DLG2: variants seen among roughly 807,000 people sequenced by gnomAD.
DLG2 encodes disks large homolog 2.
DLG2 carries 45 observed loss-of-function variants against 132.5 expected under a neutral mutation model. That is an observed-to-expected ratio of 0.34 (90% CI 0.27 to 0.44). DLG2 has a LOEUF of 0.44. Ranked by LOEUF, DLG2 falls within the 20% of genes least tolerant of loss-of-function variation. The probability of loss-of-function intolerance (pLI) is 1.00; values close to 1 mark genes in which losing one functional copy is unlikely to be tolerated. For missense variants in DLG2, 1,045 were observed against 1,196.9 expected (o/e 0.87, Z 1.87); for synonymous variants, 424 against 419.6 (o/e 1.01, Z -0.13).
At chr11:85,318,247 C>T (rs2152819049) in intron 3 of DLG2, among the ~76,000 whole-genome samples, 1 of 151,978 alleles carries the variant, frequency 6.6e-6, no homozygotes, top group Middle Eastern at 3.4e-3. Context: ...ATTAATTCTT[C>T]CCACACTAAA....
intron 17 of DLG2, among the ~76,000 whole-genome samples, chr11:83,798,647 A>G (rs1287115979): frequency 6.6e-6 from 1 of 152,184 alleles, no homozygotes; most frequent in Non-Finnish European, 1.5e-5. Flanking sequence ...GGACTGTTTC[A>G]AGCCAATAAT....
At chr11:84,153,094 T>C (rs920755463) in intron 9 of DLG2, among the ~76,000 whole-genome samples, 1 of 152,238 alleles carries the variant, frequency 6.6e-6, no homozygotes, top group African/African-American at 2.4e-5. Flanking sequence ...CCTTTGTGTA[T>C]GAAACTTAGT....
chr11:84,594,441 A>C (rs1418568044), intron 6 of DLG2, among the ~76,000 whole-genome samples: 2 of 152,240 alleles, frequency 1.3e-5, no homozygotes, highest in Non-Finnish European at 2.9e-5. Context: ...GCCTCACCCA[A>C]AAAATGAAAC....
chr11:84,784,336 A>AT (rs2072438825), intron 6 of DLG2, among the ~76,000 whole-genome samples: 1 of 146,600 alleles, frequency 6.8e-6, no homozygotes, highest in African/African-American at 2.5e-5. Flanking sequence ...AAATAAATAA[A>AT]TAAATAAATA....
intron 15 of DLG2, among the ~76,000 whole-genome samples, chr11:83,882,606 T>G (rs1344129960): frequency 6.6e-6 from 1 of 152,210 alleles, no homozygotes; most frequent in East Asian, 1.9e-4. Context: ...ACCATTTTTT[T>G]CTTTTAAATA....
At chr11:85,283,857 T>G (rs1159070554) in intron 4 of DLG2, among the ~76,000 whole-genome samples, 2 of 151,550 alleles carry the variant, frequency 1.3e-5, no homozygotes, top group Non-Finnish European at 3.0e-5. Context: ...ACAGTTTCAT[T>G]TATAAAATCA....
intron 18 of DLG2, chr11:83,721,038 C>A (rs2088405516): frequency 6.6e-6 from 1 of 152,004 alleles, no homozygotes; most frequent in South Asian, 2.1e-4. Context: ...AGAATCTGGG[C>A]CTTTAGCATG....
chr11:84,845,533 T>A (rs1452754875), intron 6 of DLG2, among the ~76,000 whole-genome samples: 10 of 152,084 alleles, frequency 6.6e-5, no homozygotes, highest in Non-Finnish European at 4.4e-5. Flanking sequence ...CCAGTGAACA[T>A]GTCTATGTCC....
At chr11:85,202,971 C>A (rs1339277726) in intron 4 of DLG2, among the ~76,000 whole-genome samples, 3 of 151,058 alleles carry the variant, frequency 2.0e-5, no homozygotes, top group Non-Finnish European at 4.4e-5. Context: ...CCTATCAATG[C>A]ACCTCACAGA....
intron 10 of DLG2, among the ~76,000 whole-genome samples, chr11:84,084,654 G>A (rs1409294484): frequency 6.6e-6 from 1 of 152,134 alleles, no homozygotes; most frequent in East Asian, 1.9e-4. Flanking sequence ...TTGACCTTGG[G>A]TTTCAGTGTC....
chr11:84,393,271 A>G (rs2098799289), intron 7 of DLG2, among the ~76,000 whole-genome samples: 1 of 152,186 alleles, frequency 6.6e-6, no homozygotes, highest in Non-Finnish European at 1.5e-5. Flanking sequence ...TTATTTATAT[A>G]TAAACTTATC....
At chr11:84,275,720 G>A (rs2097777504) in intron 7 of DLG2, among the ~76,000 whole-genome samples, 1 of 152,160 alleles carries the variant, frequency 6.6e-6, no homozygotes, top group African/African-American at 2.4e-5. Context: ...CCTTTAAGGA[G>A]AATCTAACAG....
At chr11:83,524,603 A>T (rs1426781238) in intron 21 of DLG2, among the ~76,000 whole-genome samples, 2 of 152,054 alleles carry the variant, frequency 1.3e-5, no homozygotes, top group East Asian at 3.8e-4. Flanking sequence ...CTAAATTCTA[A>T]TCTAACCTCT....
At chr11:83,776,078 C>T (rs183626647) in intron 18 of DLG2, among the ~76,000 whole-genome samples, 56 of 151,418 alleles carry the variant, frequency 3.7e-4, no homozygotes, top group African/African-American at 1.1e-3. Context: ...GGTGACAGAG[C>T]GAGACTCTGT....
At chr11:84,318,214 A>G (rs2098379849) in intron 7 of DLG2, among the ~76,000 whole-genome samples, 1 of 152,152 alleles carries the variant, frequency 6.6e-6, no homozygotes, top group South Asian at 2.1e-4. Context: ...TCCAAAGAGG[A>G]TTTTTGTGTT....
chr11:83,727,466 G>C (rs1272357363), intron 18 of DLG2, among the ~76,000 whole-genome samples: 1 of 152,174 alleles, frequency 6.6e-6, no homozygotes, highest in African/African-American at 2.4e-5. Flanking sequence ...GGTGCAACAG[G>C]TGCCCTTGGA....
At chr11:85,270,044 A>G (rs923888512) in intron 4 of DLG2, among the ~76,000 whole-genome samples, 6 of 152,364 alleles carry the variant, frequency 3.9e-5, no homozygotes, top group Non-Finnish European at 7.3e-5. Context: ...TGTATTAGTC[A>G]GAGTTCTCCA....
At chr11:85,240,791 C>T (rs2075838890) in intron 4 of DLG2, among the ~76,000 whole-genome samples, 1 of 151,764 alleles carries the variant, frequency 6.6e-6, no homozygotes, top group Non-Finnish European at 1.5e-5. Flanking sequence ...TGTCTTATTA[C>T]TATAATGTGT....
intron 6 of DLG2, among the ~76,000 whole-genome samples, chr11:84,569,906 T>C (rs1391860656): frequency 6.6e-6 from 1 of 152,182 alleles, no homozygotes; most frequent in African/African-American, 2.4e-5. Context: ...CCACTTTACT[T>C]AAGCTACCTC....
Sources: gnomAD v4.1 joint callset for allele counts (sites outside exome capture counted in the v4.1 genomes callset) on GRCh38, gnomAD v4.1.1 for gene constraint, MANE v1.5 for transcripts, NCBI Gene and HGNC (gene_info 2026-07-23, HGNC 2026-07-21) for gene names.